Variants in FBXL14 observed in about 807,000 individuals in gnomAD.
FBXL14 encodes the protein F-box and leucine rich repeat protein 14.
A neutral mutation model predicts 24.5 loss-of-function variants in FBXL14; 11 were observed. That is an observed-to-expected ratio of 0.45 (90% CI 0.28 to 0.74). The LOEUF is 0.74. FBXL14 is among the 30% of genes least tolerant of loss of function. The pLI is 0.12. For synonymous variants in FBXL14, 294 were observed against 240.4 expected, an observed-to-expected ratio of 1.22 and a Z score of -2.06; for missense variants, 384 against 545.6, an observed-to-expected ratio of 0.70 and a Z score of 2.95.
rs374359005 is a variant in FBXL14 at position 1,592,705 on chromosome 12, G to C, written c.1194+168C>G. Among the ~76,000 whole-genome samples the C allele has an allele frequency of 2.6e-5, 4 of 152,348 alleles. 1 individual carries two copies. The South Asian group carries it at 8.3e-4, about 32-fold the overall frequency. ...AAGAGAATGGGCTGGAAGCCGGGAG[G>C]GGGCTGGAGGAGGGAGGAGGAAACG... On this transcript the variant is annotated intron_variant, in intron 1 of 1. Coordinates refer to ENST00000339235, the MANE Select transcript of FBXL14 (RefSeq NM_152441.3).
intron 1 of FBXL14, among the ~76,000 whole-genome samples, chr12:1,572,136 A>T (rs1183836978): frequency 6.6e-6 from 1 of 152,252 alleles, no homozygotes; most frequent in Non-Finnish European, 1.5e-5. Flanking sequence ...GGCAGTGAAA[A>T]AAAAAGTAGG....
chr12:1,567,230 A>T lies in FBXL14; in HGVS notation c.1195-420T>A, dbSNP rs1230683980. Among the ~76,000 whole-genome samples, 2 of 152,180 alleles carry T rather than the reference A, an allele frequency of 1.3e-5. No homozygotes were observed. Among genetic ancestry groups the T allele is most frequent in the Non-Finnish European group, 2.9e-5 (2 of 68,016 alleles). On this transcript the variant is annotated intron_variant, in intron 1 of 1. Coordinates refer to ENST00000339235, the MANE Select transcript of FBXL14 (RefSeq NM_152441.3). The surrounding 1 kb of genome is among the most constrained non-coding windows in gnomAD (Gnocchi z 4.8). ...GTAATCCCAGCACTTTGGGAGGTCG[A>T]AGCGGGCGGATCACCTGAGGTCAGG...
At position 1,594,218 on chromosome 12, in the gene FBXL14, G is replaced by T; in HGVS notation, c.-152C>A. 1 of 338,134 alleles carries T rather than the reference G, an allele frequency of 3.0e-6. No homozygotes were observed. Among genetic ancestry groups the T allele is most frequent in the Non-Finnish European group, 4.3e-6 (1 of 230,546 alleles). The allele number at this position is 338,134 out of a possible 1,614,324, so 20.9% of individuals were successfully genotyped here. The stretch of plus-strand genomic sequence containing the variant: ...ACGGCCGGCCCCTCCCCGCCTTCCG[G>T]CTCCGGCCGCCGCCGCCGCTCCTCC... On this transcript the variant is annotated 5_prime_UTR_variant, in exon 1 of 2. Transcript: ENST00000339235.
chr12:1,585,022 C>G (rs1433653853), intron 1 of FBXL14, among the ~76,000 whole-genome samples: 2 of 152,218 alleles, frequency 1.3e-5, no homozygotes, highest in African/African-American at 4.8e-5. Flanking sequence ...TAGAGATTCT[C>G]AGAAATAGCA....
intron 1 of FBXL14, among the ~76,000 whole-genome samples, chr12:1,575,585 C>G (rs1176085922): frequency 1.3e-5 from 2 of 152,226 alleles, no homozygotes; most frequent in Admixed American, 1.3e-4. Context: ...TCTGAAGCCC[C>G]TGTAGGACTC....
chr12:1,594,706 C>T (rs994683542), upstream of FBXL14, among the ~76,000 whole-genome samples: 11 of 149,588 alleles, frequency 7.4e-5, no homozygotes, highest in African/African-American at 2.7e-4. Context: ...GCTGCCGGCC[C>T]CCGCACCAAG....
rs1324634351 is a variant in FBXL14 at position 1,584,284 on chromosome 12, G to A, written c.1194+8589C>T. Among the ~76,000 whole-genome samples, 7 of 152,306 alleles carry A rather than the reference G, an allele frequency of 4.6e-5. No homozygotes were observed. The East Asian group carries it at 7.7e-4, about 17-fold the overall frequency. ...GAGGATTGCTTGAGCTCAGGAAGTC[G>A]AGGCTGCAGTGAGATATGATCACAC... On this transcript the variant is annotated intron_variant, in intron 1 of 1. Transcript: ENST00000339235.
At chr12:1,590,878 T>C (rs2094488063) in intron 1 of FBXL14, among the ~76,000 whole-genome samples, 1 of 152,092 alleles carries the variant, frequency 6.6e-6, no homozygotes. Context: ...TCTTTTAACT[T>C]TTCTCAACAA....
intron 1 of FBXL14, among the ~76,000 whole-genome samples, chr12:1,589,113 C>T (rs1363159936): frequency 2.0e-5 from 3 of 150,328 alleles, no homozygotes; most frequent in Non-Finnish European, 1.5e-5. Context: ...CTGGGCCACG[C>T]AGAGTGGCTC....
rs2094436591 is a variant in FBXL14, at chr12:1,566,522, T to C, written c.*226A>G. On this transcript the variant is annotated 3_prime_UTR_variant, in exon 2 of 2. Coordinates refer to ENST00000339235, the MANE Select transcript of FBXL14 (RefSeq NM_152441.3). ...GAAAAAGCAAGTCTCCTTGGATCCA[T>C]AAAGGAAGCGAGGTCTCAGAGCAAA... 2.2e-6 allele frequency: 1 copy of C among 454,076 alleles called. No individual in the cohort carries two copies. Among genetic ancestry groups the C allele is most frequent in the African/African-American group, 2.0e-5 (1 of 50,030 alleles). 28.1% of individuals were successfully genotyped at this position (454,076 alleles called of 1,614,324 possible).
intron 1 of FBXL14, among the ~76,000 whole-genome samples, chr12:1,572,770 A>G (rs1221231742): frequency 1.3e-5 from 2 of 149,872 alleles, no homozygotes; most frequent in Non-Finnish European, 3.0e-5. Context: ...AGATTTGTAC[A>G]TTAGAAAAAT....
chr12:1,589,482 A>AAGGG (rs749054621), intron 1 of FBXL14, among the ~76,000 whole-genome samples: 9 of 130,906 alleles, frequency 6.9e-5, no homozygotes, highest in African/African-American at 9.1e-5. Context: ...GACAGGAAGG[A>AAGGG]AGGGAGGGAG....
intron 1 of FBXL14, chr12:1,574,892 A>C (rs530894716): frequency 8.9e-6 from 1 of 112,026 alleles, no homozygotes; most frequent in East Asian, 2.0e-4. Context: ...TTTATTTGAG[A>C]AGTTAGGAGC....
At chr12:1,572,347 G>A (rs1166946920) in intron 1 of FBXL14, among the ~76,000 whole-genome samples, 1 of 152,206 alleles carries the variant, frequency 6.6e-6, no homozygotes, top group Non-Finnish European at 1.5e-5. Flanking sequence ...CACAATACAG[G>A]ACACTTCTTG....
intron 1 of FBXL14, among the ~76,000 whole-genome samples, chr12:1,589,850 C>A (rs975720749): frequency 8.5e-5 from 13 of 152,150 alleles, no homozygotes; most frequent in Admixed American, 6.5e-5. Context: ...AATTTGCCGA[C>A]CTTTAGTCAA....
chr12:1,583,836 A>ACTC (rs777502235), intron 1 of FBXL14, among the ~76,000 whole-genome samples: 25 of 152,130 alleles, frequency 1.6e-4, no homozygotes, highest in Non-Finnish European at 3.2e-4. Context: ...ACAAGGTCGG[A>ACTC]CTCCTAGTTT....
intron 1 of FBXL14, among the ~76,000 whole-genome samples, chr12:1,575,030 C>T (rs2094453236): frequency 6.6e-6 from 1 of 152,092 alleles, no homozygotes; most frequent in African/African-American, 2.4e-5. Context: ...CATCTAAGTA[C>T]AACAGTATGT....
intron 1 of FBXL14, among the ~76,000 whole-genome samples, chr12:1,572,101 TG>T (rs1473886197): frequency 6.6e-6 from 1 of 151,934 alleles, no homozygotes; most frequent in Non-Finnish European, 1.5e-5. Context: ...CACGTTTACG[TG>T]GGGGAGTCAG....
At chr12:1,576,654 G>A (rs751311734) in intron 1 of FBXL14, among the ~76,000 whole-genome samples, 12 of 152,098 alleles carry the variant, frequency 7.9e-5, no homozygotes, top group Non-Finnish European at 1.6e-4. Flanking sequence ...TGCAGGCTGC[G>A]GCACAGATAA....
Sources: allele counts gnomAD v4.1 joint callset (sites outside exome capture counted in the v4.1 genomes callset), GRCh38; gene constraint gnomAD v4.1.1; non-coding constraint Gnocchi (gnomAD v3.1); transcripts MANE v1.5; gene names NCBI Gene and HGNC (gene_info 2026-07-23, HGNC 2026-07-21).